FZR1: variants seen among roughly 807,000 people sequenced by gnomAD.
FZR1 encodes the protein fizzy-related protein homolog.
Under a neutral mutation model 63.6 loss-of-function variants are expected in FZR1, and 11 were observed. The ratio of observed to expected loss-of-function variants is 0.17; its 90% confidence interval spans 0.11 to 0.29. FZR1 has a LOEUF of 0.29. FZR1 is among the 10% of genes least tolerant of loss of function. The probability of loss-of-function intolerance (pLI) is 1.00; values close to 1 mark genes in which losing one functional copy is unlikely to be tolerated. For missense variants in FZR1, 440 were observed against 687.5 expected (o/e 0.64, Z 4.03); for synonymous variants, 328 against 297.9 (o/e 1.10, Z -1.04).
At chr19:3,509,075 G>C (rs2083006403) in intron 1 of FZR1, among the ~76,000 whole-genome samples, 1 of 152,232 alleles carries the variant, frequency 6.6e-6, no homozygotes, top group Admixed American at 6.5e-5. Flanking sequence ...GTGGTCACCA[G>C]TGACCTGCTC....
At position 3,515,478 on chromosome 19, in the gene FZR1, A is replaced by G. The variant is rs2083052180; in HGVS notation, c.-34-7478A>G. On this transcript the variant is annotated intron_variant, in intron 1 of 13. Transcript: ENST00000441788. The surrounding 1 kb of genome is among the most constrained non-coding windows in gnomAD (Gnocchi z 4.6). ...CACAGTTCACGTGATACAGAATTCT[A>G]GAAGTACAGGCCGGGCGCGGTGGCT... is the stretch of plus-strand genomic sequence containing the variant. Among the ~76,000 whole-genome samples the G allele has an allele frequency of 6.6e-6, 1 of 152,166 alleles. No homozygotes were observed. Among genetic ancestry groups the G allele is most frequent in the Non-Finnish European group, 1.5e-5 (1 of 68,032 alleles).
intron 1 of FZR1, among the ~76,000 whole-genome samples, chr19:3,513,299 G>A (rs1008423188): frequency 5.9e-5 from 9 of 152,134 alleles, no homozygotes; most frequent in Admixed American, 6.5e-5. Context: ...ATCCTTAGTC[G>A]GAGGCCTCCT....
At chr19:3,523,096 C>T in intron 2 of FZR1, 38 bp downstream of exon 2, 3 of 1,265,000 alleles carry the variant, frequency 2.4e-6, no homozygotes, top group South Asian at 1.2e-5. Flanking sequence ...GTGGCTCCCC[C>T]TCCCCCAGCT....
At chr19:3,521,858 T>TC (rs1462689898) in intron 1 of FZR1, among the ~76,000 whole-genome samples, 1 of 150,546 alleles carries the variant, frequency 6.6e-6, no homozygotes, top group African/African-American at 2.5e-5. Flanking sequence ...TTTTCACTTT[T>TC]TTTTTTTTTT....
rs535116903 is a variant in FZR1, at chr19:3,506,582, C to T, written c.-35+108C>T. The T allele has an allele frequency of 1.6e-3, 248 of 151,574 alleles. 1 individual carries two copies. The highest frequency in any genetic ancestry group is 5.9e-3 in the African/African-American group (242 of 41,298). The allele number at this position is 151,574 out of a possible 1,614,324, so 9.4% of individuals were successfully genotyped here. A position where few individuals can be genotyped will look rare whatever the true frequency, so the allele number is the denominator to read the frequency against. ...GGGCGGGCTGCGACCCCCACCCCAG[C>T]TCAGGCCCCTCCAGGAGCCCCCAGT... On this transcript the variant is annotated intron_variant, in intron 1 of 13. Transcript: ENST00000441788.
In FZR1 at chr19:3,527,712, G is replaced by A. The variant is rs996683275; in HGVS notation, c.552G>A (p.Leu184=). 1.2e-6 allele frequency: 2 copies of A among 1,612,582 alleles called. No homozygotes were observed. The highest frequency in any genetic ancestry group is 1.3e-5 in the African/African-American group (1 of 75,042). Residue 184 remains leucine, a synonymous_variant, in exon 7 of 14, where the codon CTG becomes CTA. Coordinates refer to ENST00000441788, the MANE Select transcript of FZR1 (RefSeq NM_016263.4). ...TCAAGGTGCTGGACGCGCCCGAGCT[G>A]CAGGACGACTTCTACCTCAATCTGG... ...IPFKVLDAPE[L]QDDFYLNLVD... is the part of the protein sequence containing the mutation.
chr19:3,523,016 G>A lies in FZR1; in HGVS notation c.27G>A (p.Leu9=). The change falls in exon 2 of 14, where the codon CTG becomes CTA. Residue 9 remains leucine, a synonymous_variant. Transcript: ENST00000441788. ...TGGACCAGGACTATGAGCGGCGCCT[G>A]CTTCGCCAGATCGTCATCCAGAATG... MDQDYERR[L]LRQIVIQNEN... 6.2e-7 allele frequency: 1 copy of A among 1,611,954 alleles called. No homozygotes were observed. Among genetic ancestry groups the A allele is most frequent in the Non-Finnish European group, 8.5e-7 (1 of 1,179,132 alleles).
chr19:3,525,432 C>CTTTTTTTTTTTTTTTTTTTTT lies in FZR1; in HGVS notation c.70-428_70-408dup, dbSNP rs57486013. On this transcript the variant is annotated intron_variant, in intron 2 of 13. Transcript: ENST00000441788. The surrounding 1 kb of genome is among the most constrained non-coding windows in gnomAD (Gnocchi z 4.2). ...TGTGTGGCTCCCCTCCTTGGGTTTT[C>CTTTTTTTTTTTTTTTTTTTTT]TTTTTTTTTTTTTTTTTTTTTTTTT... Among the ~76,000 whole-genome samples the CTTTTTTTTTTTTTTTTTTTTT allele has an allele frequency of 1.5e-5, 1 of 68,742 alleles. No homozygotes were observed. Among genetic ancestry groups the CTTTTTTTTTTTTTTTTTTTTT allele is most frequent in the African/African-American group, 6.0e-5 (1 of 16,546 alleles). 45.1% of individuals were successfully genotyped at this position (68,742 alleles called of 152,430 possible).
chr19:3,511,176 C>G (rs532179726), intron 1 of FZR1, among the ~76,000 whole-genome samples: 1 of 152,346 alleles, frequency 6.6e-6, no homozygotes, highest in South Asian at 2.1e-4. Flanking sequence ...TCTTTTAGGT[C>G]TGAAGGTGTC....
Position 3,514,759 on chromosome 19 carries a change from G to A in FZR1, c.-34-8197G>A, listed in dbSNP as rs934167750. 2.0e-5 allele frequency among the ~76,000 whole-genome samples: 3 copies of A among 152,140 alleles called. No homozygotes were observed. The highest frequency in any genetic ancestry group is 4.8e-5 in the African/African-American group (2 of 41,406). The stretch of plus-strand genomic sequence containing the variant: ...CTGGTGTCTGGTGTGAGCAGGGGCC[G>A]ACTCCATTTTTTTCCACATATTTAT... On this transcript the variant is annotated intron_variant, in intron 1 of 13. Transcript: ENST00000441788. The surrounding 1 kb of genome is among the most constrained non-coding windows in gnomAD (Gnocchi z 4.2).
Position 3,536,097 on chromosome 19 carries a change from A to G in FZR1, c.*1261A>G, listed in dbSNP as rs570731838. On this transcript the variant is annotated 3_prime_UTR_variant, in exon 14 of 14. Coordinates refer to ENST00000441788, the MANE Select transcript of FZR1 (RefSeq NM_016263.4). ...ACCCACCACCCTGCTGTGCTTGGGA[A>G]CCCCCACTCCCCACTCCCCACATCC... The G allele has an allele frequency of 6.7e-6, 1 of 149,054 alleles. No individual in the cohort carries two copies. Among genetic ancestry groups the G allele is most frequent in the Non-Finnish European group, 1.5e-5 (1 of 67,326 alleles). 9.2% of individuals were successfully genotyped at this position (149,054 alleles called of 1,614,324 possible).
Position 3,533,471 on chromosome 19 carries a change from T to C in FZR1, c.1347+73T>C, listed in dbSNP as rs1415803538. 1 of 886,700 alleles carries C rather than the reference T, an allele frequency of 1.1e-6. No individual in the cohort carries two copies. Among genetic ancestry groups the C allele is most frequent in the African/African-American group, 1.6e-5 (1 of 61,062 alleles). 54.9% of individuals were successfully genotyped at this position (886,700 alleles called of 1,614,324 possible). On this transcript the variant is annotated intron_variant, in intron 12 of 13. Coordinates refer to ENST00000441788, the MANE Select transcript of FZR1 (RefSeq NM_016263.4). This position sits in a 1 kb window ranked among gnomAD's most constrained non-coding sequence, Gnocchi z 4.9. Reference sequence around the variant, plus strand: ...CTGCCATGGCCACCCCAGAGCACCCTGTCCTGTGTTCTTAGGGAGGATGGT... The same window carrying C: ...CTGCCATGGCCACCCCAGAGCACCCCGTCCTGTGTTCTTAGGGAGGATGGT...
intron 10 of FZR1, 62 bp from the exon 11 acceptor site, chr19:3,532,355 A>C: frequency 7.5e-7 from 1 of 1,341,338 alleles, no homozygotes; most frequent in Non-Finnish European, 1.0e-6. Context: ...CACACCTGTG[A>C]GGACCGGCCT....
chr19:3,534,244 A>G, intron 12 of FZR1, 177 bp from the exon 13 acceptor site: 1 of 455,048 alleles, frequency 2.2e-6, no homozygotes, highest in Non-Finnish European at 3.9e-6. Flanking sequence ...AAAAAAAAAA[A>G]AAAGGCTCCA....
intron 11 of FZR1, 127 bp downstream of exon 11, chr19:3,532,777 G>A: frequency 4.2e-6 from 3 of 709,476 alleles, no homozygotes; most frequent in Non-Finnish European, 7.3e-6. Context: ...ATGGGCGAGG[G>A]AGGCCGAGCG....
rs748173307 is a variant in FZR1 at position 3,525,685 on chromosome 19, G to A, written c.70-183G>A. Among the ~76,000 whole-genome samples, 8 of 151,926 alleles carry A rather than the reference G, an allele frequency of 5.3e-5. No individual in the cohort carries two copies. Among genetic ancestry groups the A allele is most frequent in the African/African-American group, 7.3e-5 (3 of 41,368 alleles). On this transcript the variant is annotated intron_variant, in intron 2 of 13. Coordinates refer to ENST00000441788, the MANE Select transcript of FZR1 (RefSeq NM_016263.4). This position sits in a 1 kb window ranked among gnomAD's most constrained non-coding sequence, Gnocchi z 4.2. ...TCTTGATCTCCTGACCTCGTGATCC[G>A]CCCGCCTCGGCCTCCCAAAGTGCTG... is the stretch of plus-strand genomic sequence containing the variant.
chr19:3,534,929 C>G lies in FZR1; in HGVS notation c.*93C>G, dbSNP rs528264324. Reference sequence around the variant, plus strand: ...TGGACTCTGCCTTCCCAGCGCTTGTCCCCCGAGGAAGGCGGCTGGGCGGGC... The same window carrying G: ...TGGACTCTGCCTTCCCAGCGCTTGTGCCCCGAGGAAGGCGGCTGGGCGGGC... On this transcript the variant is annotated 3_prime_UTR_variant, in exon 14 of 14. Coordinates refer to ENST00000441788, the MANE Select transcript of FZR1 (RefSeq NM_016263.4). 1.9e-6 allele frequency: 2 copies of G among 1,063,010 alleles called. No individual in the cohort carries two copies. The highest frequency in any genetic ancestry group is 3.1e-5 in the African/African-American group (2 of 64,860). 65.8% of individuals were successfully genotyped at this position (1,063,010 alleles called of 1,614,324 possible). A position where few individuals can be genotyped will look rare whatever the true frequency, so the allele number is the denominator to read the frequency against.
At chr19:3,522,773 C>T (rs1244137026) in intron 1 of FZR1, among the ~76,000 whole-genome samples, 183 bp from the exon 2 acceptor site, 1 of 152,166 alleles carries the variant, frequency 6.6e-6, no homozygotes, top group African/African-American at 2.4e-5. Context: ...TGGGCAGCAG[C>T]CGAGGCCCAG....
Position 3,534,334 on chromosome 19 carries a change from C to A in FZR1, c.1348-87C>A, listed in dbSNP as rs561108741. 5.6e-6 allele frequency: 4 copies of A among 716,980 alleles called. No individual in the cohort carries two copies. The African/African-American group carries it at 7.1e-5, about 13-fold the overall frequency. 44.4% of individuals were successfully genotyped at this position (716,980 alleles called of 1,614,324 possible). On this transcript the variant is annotated intron_variant, in intron 12 of 13. Coordinates refer to ENST00000441788, the MANE Select transcript of FZR1 (RefSeq NM_016263.4). The stretch of plus-strand genomic sequence containing the variant: ...GTCTGGGGGGCCCAGCCACCCGACA[C>A]CTTGCTCCCCTCTCCTTCAGTCCCC...
Sources: gnomAD v4.1 joint callset for allele counts (sites outside exome capture counted in the v4.1 genomes callset) on GRCh38, gnomAD v4.1.1 for gene constraint, Gnocchi (gnomAD v3.1) non-coding constraint, MANE v1.5 for transcripts, NCBI Gene and HGNC (gene_info 2026-07-23, HGNC 2026-07-21) for gene names.